The following TEK variants were observed in gnomAD, a reference collection of about 807,000 sequenced individuals.
TEK encodes the protein TEK receptor tyrosine kinase.
A neutral mutation model predicts 131.8 loss-of-function variants in TEK; 43 were observed. The observed-to-expected ratio is 0.33, with a 90% confidence interval of 0.26 to 0.42. The LOEUF (loss-of-function observed/expected upper bound fraction) is 0.42, where lower values mean the gene tolerates loss of function less well. Among genes scored for constraint, TEK ranks in the 10% least tolerant of loss-of-function variants. The pLI, the probability that TEK is intolerant of heterozygous loss-of-function variation, is 1.00. For synonymous variants in TEK, 580 were observed against 491.6 expected (o/e 1.18, Z -2.38); for missense variants, 1,162 against 1,384.4 (o/e 0.84, Z 2.55).
intron 1 of TEK, among the ~76,000 whole-genome samples, chr9:27,115,479 A>T: frequency 6.6e-6 from 1 of 152,130 alleles, no homozygotes; most frequent in Admixed American, 6.6e-5. Context: ...AGCCTAGGCA[A>T]CAGAGCGAGA....
intron 1 of TEK, among the ~76,000 whole-genome samples, chr9:27,110,342 G>T (rs1487067657): frequency 6.6e-6 from 1 of 152,154 alleles, no homozygotes; most frequent in Non-Finnish European, 1.5e-5. Context: ...TATGAAGCCT[G>T]TTGTAGAGTG....
chr9:27,139,982 A>C (rs1472164200), intron 1 of TEK, among the ~76,000 whole-genome samples: 2 of 151,834 alleles, frequency 1.3e-5, no homozygotes, highest in Non-Finnish European at 2.9e-5. Flanking sequence ...GCTACCTTAG[A>C]CTCTCTAGAC....
At chr9:27,229,083 G>A (rs1416206139) in intron 22 of TEK, 75 bp from the exon 23 acceptor site, 2 of 1,340,884 alleles carry the variant, frequency 1.5e-6, no homozygotes, top group Admixed American at 1.7e-5. Flanking sequence ...AGAAAACCAA[G>A]GTATTGCTGT....
Position 27,185,492 on chromosome 9 carries a change from A to T in TEK, c.1190A>T (p.Asp397Val), listed in dbSNP as rs770402439. The T allele has an allele frequency of 6.2e-7, 1 of 1,613,742 alleles. No homozygotes were observed. The highest frequency in any genetic ancestry group is 8.5e-7 in the Non-Finnish European group (1 of 1,179,756). The stretch of plus-strand genomic sequence containing the variant: ...TGTATTTGACCTTTTCAGCCAAAAG[A>T]CTTTAACCATACGGATCATTTCTCA... ...KPDGTVLHPK[D>V]FNHTDHFSVA... The change falls in exon 9 of 23, where the codon GAC becomes GTC. Residue 397 changes from aspartate (D) to valine (V), a missense_variant. Coordinates refer to ENST00000380036, the MANE Select transcript of TEK (RefSeq NM_000459.5).
At chr9:27,199,960 G>C (rs943587571) in intron 12 of TEK, among the ~76,000 whole-genome samples, 2 of 152,026 alleles carry the variant, frequency 1.3e-5, no homozygotes, top group Non-Finnish European at 2.9e-5. Flanking sequence ...TATTCTCTGT[G>C]TTTTTCCTAG....
intron 6 of TEK, 77 bp from the exon 7 acceptor site, chr9:27,180,163 T>C (rs1009138590): frequency 6.3e-7 from 1 of 1,597,788 alleles, no homozygotes; most frequent in African/African-American, 1.3e-5. Flanking sequence ...GAGAGAAAAA[T>C]AAAACTAAAC....
At chr9:27,166,727 C>T (rs1024842778) in intron 2 of TEK, among the ~76,000 whole-genome samples, 3 of 152,122 alleles carry the variant, frequency 2.0e-5, no homozygotes, top group Admixed American at 6.6e-5. Context: ...CGAATGTATA[C>T]TTCATGAAAG....
intron 18 of TEK, among the ~76,000 whole-genome samples, 173 bp downstream of exon 18, chr9:27,213,770 A>T (rs1283094891): frequency 6.6e-6 from 1 of 152,180 alleles, no homozygotes; most frequent in African/African-American, 2.4e-5. Flanking sequence ...TCCTAACATG[A>T]TTGCAGCATC....
At chr9:27,192,711 G>T in intron 11 of TEK, 88 bp downstream of exon 11, 1 of 992,544 alleles carries the variant, frequency 1.0e-6, no homozygotes. Flanking sequence ...AAGGGTGGTG[G>T]TGGGTGAGTG....
chr9:27,118,980 C>T (rs1821677697), intron 1 of TEK, among the ~76,000 whole-genome samples: 1 of 152,154 alleles, frequency 6.6e-6, no homozygotes, highest in South Asian at 2.1e-4. Flanking sequence ...AAAAGATGGA[C>T]CAAGACAGGC....
intron 2 of TEK, among the ~76,000 whole-genome samples, chr9:27,166,628 G>A (rs581470): frequency 0.016 from 2,495 of 152,110 alleles, 69 homozygotes; most frequent in African/African-American, 0.055. Context: ...AATTTTTTCT[G>A]TATAAATGTT....
At chr9:27,183,268 G>A (rs1824460917) in intron 7 of TEK, among the ~76,000 whole-genome samples, 191 bp from the exon 8 acceptor site, 1 of 152,152 alleles carries the variant, frequency 6.6e-6, no homozygotes, top group African/African-American at 2.4e-5. Context: ...GTGAGCCTCT[G>A]TCTCCTCATC....
intron 7 of TEK, among the ~76,000 whole-genome samples, chr9:27,180,694 A>G (rs2131164801): frequency 6.6e-6 from 1 of 152,304 alleles, no homozygotes; most frequent in South Asian, 2.1e-4. Flanking sequence ...TGCGTAACAG[A>G]GAAAGAGCAA....
chr9:27,161,573 C>T (rs1228260970), intron 2 of TEK, among the ~76,000 whole-genome samples: 1 of 152,162 alleles, frequency 6.6e-6, no homozygotes, highest in Non-Finnish European at 1.5e-5. Context: ...TATTTATTAC[C>T]ACTACGCTAC....
intron 13 of TEK, 98 bp from the exon 14 acceptor site, chr9:27,204,810 CTGT>C (rs1377924795): frequency 2.0e-6 from 3 of 1,515,970 alleles, no homozygotes; most frequent in Non-Finnish European, 2.7e-6. Flanking sequence ...GTTAAGGCTG[CTGT>C]TAAGTTCCCA....
intron 9 of TEK, 110 bp downstream of exon 9, chr9:27,185,739 T>G (rs1824577575): frequency 7.0e-7 from 1 of 1,436,452 alleles, no homozygotes; most frequent in Non-Finnish European, 9.6e-7. Context: ...TGGGGTAATT[T>G]CCAGGATAGT....
At chr9:27,226,408 A>T (rs1826328765) in intron 21 of TEK, among the ~76,000 whole-genome samples, 1 of 152,240 alleles carries the variant, frequency 6.6e-6, no homozygotes, top group South Asian at 2.1e-4. Context: ...GCCATAAGAA[A>T]GGATGAGTTC....
chr9:27,198,499 G>A (rs1029831609), intron 12 of TEK: 3 of 152,240 alleles, frequency 2.0e-5, no homozygotes, highest in Non-Finnish European at 4.4e-5. Context: ...ACTTATGAAA[G>A]TCTGAATTGT....
intron 1 of TEK, among the ~76,000 whole-genome samples, chr9:27,112,024 A>G (rs1313462040): frequency 1.3e-5 from 2 of 151,696 alleles, no homozygotes; most frequent in Non-Finnish European, 2.9e-5. Flanking sequence ...CAGCCTCTCG[A>G]GTAGCTGGGA....
Sources: gnomAD v4.1 joint callset for allele counts (sites outside exome capture counted in the v4.1 genomes callset) on GRCh38, gnomAD v4.1.1 for gene constraint, MANE v1.5 for transcripts, NCBI Gene and HGNC (gene_info 2026-07-23, HGNC 2026-07-21) for gene names.